ASCC3: variants seen among roughly 807,000 people sequenced by gnomAD.
ASCC3 encodes the protein ASC-1 complex subunit P200.
In ASCC3, 158 loss-of-function variants were observed where a neutral mutation model predicts 256.3. That is an observed-to-expected ratio of 0.62 (90% confidence interval 0.54 to 0.70). The LOEUF is 0.70. Among genes scored for constraint, ASCC3 ranks in the 30% least tolerant of loss-of-function variants. The pLI, the probability that ASCC3 is intolerant of heterozygous loss-of-function variation, is 0.00. For missense variants in ASCC3, 2,259 were observed against 2,626.0 expected, an observed-to-expected ratio of 0.86 and a Z score of 3.05; for synonymous variants, 948 against 883.4, an observed-to-expected ratio of 1.07 and a Z score of -1.30.
intron 30 of ASCC3, among the ~76,000 whole-genome samples, chr6:100,608,864 C>G (rs1191441227): frequency 7.1e-6 from 1 of 140,274 alleles, no homozygotes; most frequent in African/African-American, 2.7e-5. Flanking sequence ...CCCGGGTTCA[C>G]GCCATTCTCC....
chr6:100,540,413 TGTTGGATCAAA>T (rs894468252), intron 36 of ASCC3, 26 bp from the exon 37 acceptor site: 3 of 1,534,916 alleles, frequency 2.0e-6, no homozygotes, highest in African/African-American at 2.7e-5. Flanking sequence ...AGCCCCACAT[TGTTGGATCAAA>T]GTATAATAAT....
intron 8 of ASCC3, among the ~76,000 whole-genome samples, chr6:100,781,017 GA>G (rs1222571500): frequency 6.6e-6 from 1 of 152,200 alleles, no homozygotes; most frequent in Non-Finnish European, 1.5e-5. Flanking sequence ...CTATGAGGCA[GA>G]AATTATGATT....
chr6:100,767,570 A>G (rs916759007), intron 8 of ASCC3, among the ~76,000 whole-genome samples: 1 of 151,986 alleles, frequency 6.6e-6, no homozygotes, highest in Non-Finnish European at 1.5e-5. Context: ...TTTGAAAAAT[A>G]TGATGACACT....
At chr6:100,670,641 C>T (rs1005616035) in intron 14 of ASCC3, among the ~76,000 whole-genome samples, 1 of 140,876 alleles carries the variant, frequency 7.1e-6, no homozygotes, top group African/African-American at 2.6e-5. Flanking sequence ...AACTTTTTTT[C>T]CCCCCCAAAT....
Position 100,508,745 on chromosome 6 carries a change from C to T in ASCC3, c.*641G>A, listed in dbSNP as rs1773616295. 1.3e-5 allele frequency: 2 copies of T among 152,220 alleles called. No individual in the cohort carries two copies. Among genetic ancestry groups the T allele is most frequent in the South Asian group, 2.1e-4 (1 of 4,824 alleles). 9.4% of individuals were successfully genotyped at this position (152,220 alleles called of 1,614,324 possible). ...TGAGTCAGCTTGTCTTGAAGTGCCA[C>T]TCTATATTTTATTTCCCAGTTAACC... On this transcript the variant is annotated 3_prime_UTR_variant, in exon 42 of 42. Coordinates refer to ENST00000369162, the MANE Select transcript of ASCC3 (RefSeq NM_006828.4).
chr6:100,549,571 G>A (rs986914393), intron 36 of ASCC3, among the ~76,000 whole-genome samples: 14 of 151,780 alleles, frequency 9.2e-5, no homozygotes, highest in African/African-American at 3.4e-4. Context: ...GGTGAATCAG[G>A]ACTGAACTAC....
At chr6:100,822,755 G>A (rs1225980388) in intron 4 of ASCC3, among the ~76,000 whole-genome samples, 1 of 152,072 alleles carries the variant, frequency 6.6e-6, no homozygotes, top group African/African-American at 2.4e-5. Flanking sequence ...TATACAGCAT[G>A]AACTGTCCTT....
chr6:100,823,205 A>G (rs1033795586), intron 4 of ASCC3, among the ~76,000 whole-genome samples: 2 of 152,212 alleles, frequency 1.3e-5, no homozygotes, highest in South Asian at 2.1e-4. Flanking sequence ...CATTGAGAAC[A>G]GGTGCTGTTC....
intron 36 of ASCC3, among the ~76,000 whole-genome samples, chr6:100,582,649 A>G (rs1302061614): frequency 6.6e-6 from 1 of 152,020 alleles, no homozygotes; most frequent in East Asian, 1.9e-4. Flanking sequence ...GAGAGAGGGC[A>G]TCCCTGTCTT....
chr6:100,589,971 A>T lies in ASCC3; in HGVS notation c.5392T>A (p.Ser1798Thr). Reference protein sequence around the residue: ...IEKSLIELELSYCIEIGEDNR... With the variant: ...IEKSLIELELTYCIEIGEDNR... ...ACCTCTCCAATTTCAATACAGTAGGAAAGTTCCAATTCAATCAGGGACTTC... is the reference window on the plus strand; with the variant it reads ...ACCTCTCCAATTTCAATACAGTAGGTAAGTTCCAATTCAATCAGGGACTTC... Residue 1798 changes from serine (S) to threonine (T), a missense_variant, in exon 35 of 42, where the codon TCC becomes ACC. Ser to Thr is a moderately conservative substitution (Grantham distance 58, BLOSUM62 1). Around this residue, in one of 2 missense-constraint regions of ASCC3, gnomAD observed 1,839 missense variants for 2,206.7 expected, o/e 0.83. Transcript: ENST00000369162. 6.2e-7 allele frequency: 1 copy of T among 1,613,360 alleles called. No individual in the cohort carries two copies. The highest frequency in any genetic ancestry group is 8.5e-7 in the Non-Finnish European group (1 of 1,179,406).
At chr6:100,558,474 G>A (rs2114699350) in intron 36 of ASCC3, among the ~76,000 whole-genome samples, 1 of 152,068 alleles carries the variant, frequency 6.6e-6, no homozygotes, top group African/African-American at 2.4e-5. Flanking sequence ...GATGATAGAG[G>A]GTCAAATGCT....
chr6:100,545,367 G>A (rs1380099589), intron 36 of ASCC3, among the ~76,000 whole-genome samples: 6 of 152,236 alleles, frequency 3.9e-5, no homozygotes, highest in East Asian at 3.9e-4. Context: ...TAGTAGAGAC[G>A]GGGTTTCACC....
At chr6:100,640,283 T>C (rs946219603) in intron 24 of ASCC3, among the ~76,000 whole-genome samples, 3 of 152,194 alleles carry the variant, frequency 2.0e-5, no homozygotes, top group Non-Finnish European at 4.4e-5. Context: ...TAAATTACAG[T>C]GCTTTACATT....
intron 13 of ASCC3, among the ~76,000 whole-genome samples, chr6:100,708,662 G>A (rs1421680747): frequency 6.6e-6 from 1 of 151,900 alleles, no homozygotes; most frequent in African/African-American, 2.4e-5. Flanking sequence ...ACAGTACACA[G>A]GACACACCCT....
intron 4 of ASCC3, among the ~76,000 whole-genome samples, chr6:100,835,740 C>T (rs1411254341): frequency 6.6e-6 from 1 of 152,042 alleles, no homozygotes; most frequent in East Asian, 1.9e-4. Flanking sequence ...CCAGGGTCTT[C>T]TGTGATTCCA....
chr6:100,582,338 C>G (rs2114751354), intron 36 of ASCC3, among the ~76,000 whole-genome samples: 1 of 152,006 alleles, frequency 6.6e-6, no homozygotes, highest in Non-Finnish European at 1.5e-5. Context: ...ATTTTATTCT[C>G]TTTGAAGCAA....
intron 22 of ASCC3, 131 bp downstream of exon 22, chr6:100,646,484 T>G: frequency 2.0e-6 from 2 of 1,022,616 alleles, no homozygotes. Context: ...CTAATTGCTA[T>G]AATTTTTAAA....
chr6:100,819,915 A>G (rs188761838), intron 4 of ASCC3, among the ~76,000 whole-genome samples: 2,169 of 69,818 alleles, frequency 0.031, 23 homozygotes, highest in Middle Eastern at 0.1. Context: ...CATTACTGGG[A>G]AAAAAAAATC....
intron 36 of ASCC3, among the ~76,000 whole-genome samples, chr6:100,565,461 AAAATAAAT>A (rs541474576): frequency 6.6e-6 from 1 of 152,086 alleles, no homozygotes; most frequent in Admixed American, 6.6e-5. Flanking sequence ...TGGCTTTTTA[AAAATAAAT>A]AAATAAATAA....
Sources: allele counts gnomAD v4.1 joint callset (sites outside exome capture counted in the v4.1 genomes callset), GRCh38; gene constraint gnomAD v4.1.1; regional missense constraint gnomAD v4.1.1; transcripts MANE v1.5; gene names NCBI Gene and HGNC (gene_info 2026-07-23, HGNC 2026-07-21).